DMD: variants seen among roughly 807,000 people sequenced by gnomAD.
DMD encodes the protein mutant dystrophin.
Under a neutral mutation model 330.1 loss-of-function variants are expected in DMD, and 63 were observed. The ratio of observed to expected loss-of-function variants is 0.19; its 90% CI spans 0.16 to 0.24. DMD has a LOEUF of 0.24. Ranked by LOEUF, DMD falls within the 10% of genes least tolerant of loss-of-function variation. The pLI, the probability that DMD is intolerant of heterozygous loss-of-function variation, is 1.00. For synonymous variants in DMD, 1,223 were observed against 959.8 expected (o/e 1.27, Z -5.07); for missense variants, 3,344 against 2,684.1 (o/e 1.25, Z -5.43).
intron 1 of DMD, among the ~76,000 whole-genome samples, chrX:33,026,221 G>C (rs1158515970): frequency 9.9e-6 from 1 of 100,804 alleles, no homozygotes; most frequent in Non-Finnish European, 2.0e-5. Context: ...TGTAGTCCCA[G>C]CTACTGGGGC....
chrX:33,113,303 C>T (rs1008743695), intron 1 of DMD, among the ~76,000 whole-genome samples: 9 of 110,711 alleles, frequency 8.1e-5, no homozygotes, highest in East Asian at 2.9e-4. Context: ...GTGATCCGCA[C>T]GCCTCAGCCG....
At chrX:32,287,819 T>C (rs756830818) in intron 42 of DMD, 118 bp from the exon 43 acceptor site, 12 of 512,406 alleles carry the variant, frequency 2.3e-5, no homozygotes, top group African/African-American at 4.9e-5. Context: ...TTCTTAATTA[T>C]TGACTTTTTA....
rs754287128 is a variant in DMD, at chrX:32,612,452, T to A, written c.1482+1851A>T. Among the ~76,000 whole-genome samples, 12 of 111,853 alleles carry A rather than the reference T, an allele frequency of 1.1e-4. No homozygotes were observed. In the South Asian group the frequency reaches 3.7e-3, roughly 34 times the overall value. On this transcript the variant is annotated intron_variant, in intron 12 of 78. Coordinates refer to ENST00000357033, the MANE Select transcript of DMD (RefSeq NM_004006.3). Reference sequence around the variant, plus strand: ...AAACTTTCTTAAAATATTTTTTCAATTATTTCTTTTAGTTCACCAGCTATC... The same window carrying A: ...AAACTTTCTTAAAATATTTTTTCAAATATTTCTTTTAGTTCACCAGCTATC...
At chrX:32,677,385 T>C (rs1304997503) in intron 9 of DMD, among the ~76,000 whole-genome samples, 3 of 111,741 alleles carry the variant, frequency 2.7e-5, no homozygotes, top group Non-Finnish European at 5.7e-5. Flanking sequence ...TGTGCATATT[T>C]CCACTGAACA....
At chrX:31,895,847 G>A (rs1224162499) in intron 47 of DMD, among the ~76,000 whole-genome samples, 3 of 111,491 alleles carry the variant, frequency 2.7e-5, no homozygotes, top group South Asian at 3.7e-4. Context: ...TCTAAAGCGC[G>A]GCATAATTTT....
At chrX:32,741,202 T>C (rs1194437309) in intron 7 of DMD, among the ~76,000 whole-genome samples, 4 of 111,526 alleles carry the variant, frequency 3.6e-5, no homozygotes, top group Non-Finnish European at 7.5e-5. Flanking sequence ...ATATTGCCAC[T>C]AAATGTACTT....
At chrX:32,851,919 C>T (rs2081170342) in intron 2 of DMD, among the ~76,000 whole-genome samples, 1 of 111,794 alleles carries the variant, frequency 8.9e-6, no homozygotes, top group Admixed American at 9.5e-5. Context: ...TCCAGCTAGT[C>T]TCACCAGTGT....
chrX:32,146,132 C>T (rs1292526398), intron 44 of DMD, among the ~76,000 whole-genome samples: 1 of 112,218 alleles, frequency 8.9e-6, no homozygotes, highest in Non-Finnish European at 1.9e-5. Context: ...TAGGACATCT[C>T]TTTCATATGT....
chrX:32,808,482 T>C (rs970119425), intron 7 of DMD, among the ~76,000 whole-genome samples: 1 of 111,645 alleles, frequency 9.0e-6, no homozygotes, highest in Non-Finnish European at 1.9e-5. Context: ...GTGGATCTGC[T>C]AGATGATCTG....
intron 44 of DMD, among the ~76,000 whole-genome samples, chrX:32,210,073 C>T (rs191985068): frequency 2.2e-4 from 25 of 111,470 alleles, no homozygotes; most frequent in Admixed American, 1.4e-3. Context: ...ACAATATTTA[C>T]GCAAGGATGA....
At chrX:32,078,349 G>T (rs959295026) in intron 44 of DMD, among the ~76,000 whole-genome samples, 1 of 111,621 alleles carries the variant, frequency 9.0e-6, no homozygotes, top group African/African-American at 3.3e-5. Context: ...CCTTGTCCAA[G>T]CCACTATCAT....
intron 1 of DMD, among the ~76,000 whole-genome samples, chrX:33,020,441 G>T (rs929178881): frequency 1.8e-5 from 2 of 112,093 alleles, no homozygotes; most frequent in African/African-American, 6.5e-5. Flanking sequence ...TGGGAGGCCA[G>T]TGAGGACGGA....
At chrX:31,700,164 C>A (rs1042358279) in intron 52 of DMD, among the ~76,000 whole-genome samples, 2 of 104,700 alleles carry the variant, frequency 1.9e-5, no homozygotes, top group Non-Finnish European at 3.9e-5. Flanking sequence ...CCAGCCTAGG[C>A]AACATAGTGA....
chrX:33,302,890 G>A (rs1603429608), intron 1 of DMD, among the ~76,000 whole-genome samples: 1 of 111,609 alleles, frequency 9.0e-6, no homozygotes, highest in Admixed American at 9.6e-5. Context: ...TCATTACAGA[G>A]AATTTCCCTG....
chrX:32,189,780 GCAAAA>G (rs1242970646), intron 44 of DMD, among the ~76,000 whole-genome samples: 7 of 110,843 alleles, frequency 6.3e-5, no homozygotes, highest in Non-Finnish European at 1.1e-4. Context: ...AATATCTTCA[GCAAAA>G]TTTTGACCCC....
chrX:32,640,628 A>G (rs138505705), intron 11 of DMD, among the ~76,000 whole-genome samples: 2,597 of 111,203 alleles, frequency 0.023, 31 homozygotes, highest in Non-Finnish European at 0.037. Flanking sequence ...AAAAAAAAAT[A>G]GGAACTAAAA....
chrX:31,212,156 A>ATG (rs1320495063), intron 64 of DMD, among the ~76,000 whole-genome samples: 18 of 76,974 alleles, frequency 2.3e-4, no homozygotes, highest in African/African-American at 9.2e-4. Context: ...TTATATATAT[A>ATG]TATATATATA....
At chrX:33,315,951 T>C (rs2053927258) in intron 1 of DMD, among the ~76,000 whole-genome samples, 1 of 111,308 alleles carries the variant, frequency 9.0e-6, no homozygotes, top group African/African-American at 3.3e-5. Context: ...TGTTCCTTTA[T>C]TGAGTCAAGA....
At chrX:31,467,762 C>T (rs1007031104) in intron 59 of DMD, among the ~76,000 whole-genome samples, 12 of 111,552 alleles carry the variant, frequency 1.1e-4, no homozygotes, top group Non-Finnish European at 3.8e-5. Context: ...CTTTGTACCT[C>T]TGGTAGAATT....
Sources: gnomAD v4.1 joint callset for allele counts (sites outside exome capture counted in the v4.1 genomes callset) on GRCh38, gnomAD v4.1.1 for gene constraint, MANE v1.5 for transcripts, NCBI Gene and HGNC (gene_info 2026-07-23, HGNC 2026-07-21) for gene names.